The following RNF212 variants were observed in gnomAD, a reference collection of about 807,000 sequenced individuals.
The protein encoded by RNF212 is ring finger protein 212.
Under a neutral mutation model 34.7 loss-of-function variants are expected in RNF212, and 33 were observed. That is an observed-to-expected ratio of 0.95 (90% CI 0.72 to 1.27). The LOEUF is 1.27. Ranked by LOEUF, RNF212 falls within the 50% of genes most tolerant of loss-of-function variation. RNF212 has a pLI of 0.00. For missense variants in RNF212, 377 were observed against 362.2 expected (o/e 1.04, Z -0.33); for synonymous variants, 140 against 136.1 (o/e 1.03, Z -0.20).
intron 4 of RNF212, chr4:1,056,832 A>G: frequency 2.0e-6 from 2 of 987,616 alleles, no homozygotes; most frequent in Non-Finnish European, 2.4e-6. Flanking sequence ...CTGGCTGAGC[A>G]CTTGCCTAAA....
intron 4 of RNF212, 77 bp downstream of exon 4, chr4:1,090,705 A>C (rs750259221): frequency 4.9e-6 from 4 of 810,844 alleles, no homozygotes; most frequent in Non-Finnish European, 8.8e-6. Flanking sequence ...TTTGAGAGCA[A>C]GGTGTTAATT....
intron 9 of RNF212, 135 bp downstream of exon 9, chr4:1,073,464 A>C: frequency 2.7e-6 from 2 of 745,300 alleles, no homozygotes; most frequent in Non-Finnish European, 4.5e-6. Flanking sequence ...GTGAATATGT[A>C]GCCTCCCATG....
At chr4:1,089,236 GC>G (rs549214430) in intron 4 of RNF212, among the ~76,000 whole-genome samples, 90 of 152,348 alleles carry the variant, frequency 5.9e-4, no homozygotes, top group Non-Finnish European at 1.8e-4. Context: ...GGCCTTGGGA[GC>G]CCCCCTACCC....
At chr4:1,074,205 G>C (rs376647447) in intron 8 of RNF212, among the ~76,000 whole-genome samples, 7 of 152,198 alleles carry the variant, frequency 4.6e-5, no homozygotes, top group East Asian at 3.9e-4. Flanking sequence ...CGCAGGTTCT[G>C]AGACTGGTAA....
intron 3 of RNF212, among the ~76,000 whole-genome samples, chr4:1,063,127 C>A (rs1717856672): frequency 6.6e-6 from 1 of 152,158 alleles, no homozygotes; most frequent in South Asian, 2.1e-4. Context: ...GATGGCAATA[C>A]CCCCTACATT....
chr4:1,062,878 T>G (rs1717840818), intron 3 of RNF212, among the ~76,000 whole-genome samples: 1 of 152,176 alleles, frequency 6.6e-6, no homozygotes, highest in South Asian at 2.1e-4. Flanking sequence ...ACAAGATCCA[T>G]CTATAAAAAT....
At chr4:1,081,496 G>A (rs367577034) in intron 6 of RNF212, 29 bp from the exon 7 acceptor site, 24 of 1,611,928 alleles carry the variant, frequency 1.5e-5, no homozygotes, top group African/African-American at 5.3e-5. Flanking sequence ...AAATGCCAGC[G>A]TCAGTGCACA....
At chr4:1,061,085 T>C (rs1387718093) in intron 3 of RNF212, among the ~76,000 whole-genome samples, 2 of 152,222 alleles carry the variant, frequency 1.3e-5, no homozygotes, top group Non-Finnish European at 2.9e-5. Context: ...CAGAACACAC[T>C]GACTCCTGAA....
chr4:1,063,591 G>C (rs4690345), intron 3 of RNF212, among the ~76,000 whole-genome samples: 122,364 of 150,970 alleles, frequency 0.81, 50,247 homozygotes, highest in African/African-American at 0.94. Flanking sequence ...ATCCCAGCTC[G>C]TCAGGAGGCT....
At chr4:1,085,418 T>G (rs1217045490) in intron 5 of RNF212, among the ~76,000 whole-genome samples, 1 of 152,264 alleles carries the variant, frequency 6.6e-6, no homozygotes, top group Admixed American at 6.5e-5. Context: ...CTAGCAACTC[T>G]GGATGTTTCT....
At chr4:1,075,417 G>C (rs1015307330) in intron 8 of RNF212, among the ~76,000 whole-genome samples, 1 of 152,222 alleles carries the variant, frequency 6.6e-6, no homozygotes, top group Non-Finnish European at 1.5e-5. Flanking sequence ...TACAATCAGG[G>C]TGGGAGGCCA....
intron 4 of RNF212, 61 bp downstream of exon 4, chr4:1,090,721 G>C: frequency 1.1e-6 from 1 of 896,194 alleles, no homozygotes; most frequent in Non-Finnish European, 1.9e-6. Context: ...TAATTAACAA[G>C]TCTGACATTT....
chr4:1,099,710 T>C lies in RNF212; in HGVS notation c.172-2871A>G, dbSNP rs1339449680. On this transcript the variant is annotated intron_variant, in intron 2 of 9. Coordinates refer to ENST00000433731, the MANE Select transcript of RNF212 (RefSeq NM_001131034.4). ...ACAGTAACGAGGATACATAGTTAAA[T>C]CTCACAGCGTGACTGAAGGCCTTTG... is the stretch of plus-strand genomic sequence containing the variant. 5 of 456,224 alleles carry C rather than the reference T, an allele frequency of 1.1e-5. No individual in the cohort carries two copies. In the Admixed American group the frequency reaches 1.2e-4, roughly 11 times the overall value. The allele number at this position is 456,224 out of a possible 1,614,324, so 28.3% of individuals were successfully genotyped here.
chr4:1,068,578 TTA>T (rs1718242004), downstream of RNF212, among the ~76,000 whole-genome samples: 2 of 152,202 alleles, frequency 1.3e-5, no homozygotes. Context: ...TGCTTCAATG[TTA>T]TGTTTTGTAA....
Position 1,113,523 on chromosome 4 carries a change from G to T in RNF212, c.-59C>A. Reference sequence around the variant, plus strand: ...CCACGCGAAGCCCACGCAAGGTTGGGACCAGCCTCCCCGCGCAGGGCCCGA... The same window carrying T: ...CCACGCGAAGCCCACGCAAGGTTGGTACCAGCCTCCCCGCGCAGGGCCCGA... On this transcript the variant is annotated 5_prime_UTR_variant, in exon 1 of 10. Transcript: ENST00000433731. The T allele has an allele frequency of 1.4e-6, 2 of 1,434,838 alleles. No individual in the cohort carries two copies. The highest frequency in any genetic ancestry group is 1.9e-6 in the Non-Finnish European group (2 of 1,038,618). The allele number at this position is 1,434,838 out of a possible 1,614,324, so 88.9% of individuals were successfully genotyped here.
At chr4:1,080,589 T>C (rs549007045) in intron 7 of RNF212, among the ~76,000 whole-genome samples, 1 of 152,286 alleles carries the variant, frequency 6.6e-6, no homozygotes, top group South Asian at 2.1e-4. Context: ...GTGGAGCTTG[T>C]GCCTGCCTGC....
intron 8 of RNF212, 179 bp from the exon 9 acceptor site, chr4:1,073,841 T>C: frequency 1.6e-6 from 1 of 624,514 alleles, no homozygotes; most frequent in Middle Eastern, 2.5e-4. Flanking sequence ...TGCCTGCTGG[T>C]GGTAGAGGTG....
chr4:1,112,347 C>T (rs1725818044), intron 1 of RNF212, among the ~76,000 whole-genome samples: 1 of 152,182 alleles, frequency 6.6e-6, no homozygotes, highest in Non-Finnish European at 1.5e-5. Context: ...TGGAGGTCAG[C>T]ACAGCTGGCG....
At chr4:1,057,934 G>A (rs1000961195) in intron 4 of RNF212, among the ~76,000 whole-genome samples, 2 of 152,128 alleles carry the variant, frequency 1.3e-5, no homozygotes, top group African/African-American at 4.8e-5. Context: ...GGTGGCACAT[G>A]CCTGTAATCC....
Sources: allele counts gnomAD v4.1 joint callset (sites outside exome capture counted in the v4.1 genomes callset), GRCh38; gene constraint gnomAD v4.1.1; transcripts MANE v1.5; gene names NCBI Gene and HGNC (gene_info 2026-07-23, HGNC 2026-07-21).